COMMD10: variants seen among roughly 807,000 people sequenced by gnomAD.
The protein encoded by COMMD10 is COMM domain containing 10.
COMMD10 carries 33 observed loss-of-function variants against 28.9 expected under a neutral mutation model. The observed-to-expected ratio is 1.14, with a 90% confidence interval of 0.87 to 1.53. COMMD10 has a LOEUF of 1.53. Ranked by LOEUF, COMMD10 falls within the 40% of genes most tolerant of loss-of-function variation. The pLI is 0.00. For missense variants in COMMD10, 310 were observed against 233.4 expected (o/e 1.33, Z -2.14); for synonymous variants, 110 against 81.7 (o/e 1.35, Z -1.87).
At chr5:116,179,288 A>G (rs1171850671) in intron 5 of COMMD10, among the ~76,000 whole-genome samples, 1 of 152,188 alleles carries the variant, frequency 6.6e-6, no homozygotes, top group Non-Finnish European at 1.5e-5. Context: ...AACAGATTTT[A>G]GGAATAATCT....
chr5:116,127,813 T>C (rs1428887764), intron 4 of COMMD10, among the ~76,000 whole-genome samples: 1 of 152,012 alleles, frequency 6.6e-6, no homozygotes, highest in African/African-American at 2.4e-5. Flanking sequence ...CAGTAGGAGA[T>C]ATACCTAGTG....
chr5:116,089,187 A>G (rs1750217978), intron 2 of COMMD10, among the ~76,000 whole-genome samples: 1 of 152,164 alleles, frequency 6.6e-6, no homozygotes, highest in Non-Finnish European at 1.5e-5. Flanking sequence ...TTGTGTTACT[A>G]ACTCATCTAA....
intron 5 of COMMD10, among the ~76,000 whole-genome samples, chr5:116,225,353 G>GT (rs143964154): frequency 0.12 from 13,393 of 116,256 alleles, 1,298 homozygotes; most frequent in East Asian, 0.23. Context: ...TTTTTTTGGG[G>GT]ATTTTTTTTT....
At chr5:116,130,129 T>C (rs1751817057) in intron 4 of COMMD10, among the ~76,000 whole-genome samples, 1 of 151,984 alleles carries the variant, frequency 6.6e-6, no homozygotes, top group Non-Finnish European at 1.5e-5. Flanking sequence ...CATGACTCTT[T>C]TAAAAATTAC....
chr5:116,177,404 A>AG (rs982509227), intron 5 of COMMD10, among the ~76,000 whole-genome samples: 2 of 152,066 alleles, frequency 1.3e-5, no homozygotes, highest in Admixed American at 1.3e-4. Context: ...CTCCATCCTA[A>AG]GGGACTGCAT....
chr5:116,222,173 C>A (rs559740064), intron 5 of COMMD10, among the ~76,000 whole-genome samples: 41 of 152,296 alleles, frequency 2.7e-4, no homozygotes, highest in African/African-American at 9.6e-4. Context: ...TTCTTACTCT[C>A]TTCAGTGATA....
In COMMD10 at chr5:116,189,766, G is replaced by C. The variant is rs149420941; in HGVS notation, c.510+55588G>C. Among the ~76,000 whole-genome samples, 7 of 152,250 alleles carry C rather than the reference G, an allele frequency of 4.6e-5. No individual in the cohort carries two copies. In the East Asian group the frequency reaches 1.3e-3, roughly 29 times the overall value. On this transcript the variant is annotated intron_variant, in intron 5 of 6. Transcript: ENST00000274458. ...TAAGTCATGACATCAGAAGAAAACA[G>C]TAATGAAAATCTAATGAACAGTACT...
intron 5 of COMMD10, among the ~76,000 whole-genome samples, chr5:116,139,736 C>G (rs143060798): frequency 1.3e-5 from 2 of 151,708 alleles, no homozygotes; most frequent in East Asian, 1.9e-4. Flanking sequence ...AAATCATTCT[C>G]TCACATATTT....
At chr5:116,097,270 C>G (rs1238583930) in intron 4 of COMMD10, among the ~76,000 whole-genome samples, 1 of 151,868 alleles carries the variant, frequency 6.6e-6, no homozygotes, top group Non-Finnish European at 1.5e-5. Flanking sequence ...TGCTAATATA[C>G]TATTTTAAAG....
intron 5 of COMMD10, among the ~76,000 whole-genome samples, chr5:116,203,239 G>T (rs1290267669): frequency 6.6e-6 from 1 of 152,154 alleles, no homozygotes; most frequent in East Asian, 1.9e-4. Context: ...ATGGGACTAT[G>T]TGAAAAGACC....
In COMMD10 at chr5:116,127,634, G is replaced by A. The variant is rs191676956; in HGVS notation, c.400-6434G>A. Among the ~76,000 whole-genome samples, 263 of 152,250 alleles carry A rather than the reference G, an allele frequency of 1.7e-3. 1 individual carries two copies. The highest frequency in any genetic ancestry group is 6.0e-3 in the African/African-American group (248 of 41,546). ...AGTTCATGTCCTTTGTAGAGACATG[G>A]ATGAAGCTAGAAACCATCATTCTGA... On this transcript the variant is annotated intron_variant, in intron 4 of 6. Transcript: ENST00000274458.
At chr5:116,217,966 T>C in intron 5 of COMMD10, 1 of 799,276 alleles carries the variant, frequency 1.3e-6, no homozygotes, top group Non-Finnish European at 2.1e-6. Context: ...TTGGTAAAAA[T>C]AGTATTTCAA....
At chr5:116,132,659 A>G (rs1203962313) in intron 4 of COMMD10, among the ~76,000 whole-genome samples, 1 of 152,134 alleles carries the variant, frequency 6.6e-6, no homozygotes, top group Non-Finnish European at 1.5e-5. Flanking sequence ...TTAAGACGGC[A>G]TGTATGCCAG....
chr5:116,126,975 A>G lies in COMMD10; in HGVS notation c.400-7093A>G, dbSNP rs564702354. Among the ~76,000 whole-genome samples the G allele has an allele frequency of 2.5e-3, 378 of 152,346 alleles. 3 individuals are homozygous for G. Among genetic ancestry groups the G allele is most frequent in the Non-Finnish European group, 3.2e-3 (217 of 68,038 alleles). On this transcript the variant is annotated intron_variant, in intron 4 of 6. Transcript: ENST00000274458. ...CTGCACAGCAAAAGAAACTACCATC[A>G]GAGTGAACAGGCAACCTACAGAATA...
intron 5 of COMMD10, among the ~76,000 whole-genome samples, chr5:116,282,279 T>C (rs1314192455): frequency 6.6e-6 from 1 of 151,908 alleles, no homozygotes. Context: ...TACCTCAGAA[T>C]TTTTCACTTT....
At chr5:116,120,960 T>A (rs1340302929) in intron 4 of COMMD10, among the ~76,000 whole-genome samples, 1 of 152,118 alleles carries the variant, frequency 6.6e-6, no homozygotes, top group Non-Finnish European at 1.5e-5. Context: ...TGTATATGTA[T>A]ATGTTTTTGT....
At chr5:116,130,998 A>G (rs762987463) in intron 4 of COMMD10, among the ~76,000 whole-genome samples, 2 of 152,028 alleles carry the variant, frequency 1.3e-5, no homozygotes, top group African/African-American at 2.4e-5. Flanking sequence ...AATATCAACA[A>G]AGAAGGCTAA....
chr5:116,216,291 G>A (rs572435688), intron 5 of COMMD10, among the ~76,000 whole-genome samples: 2 of 152,278 alleles, frequency 1.3e-5, no homozygotes, highest in South Asian at 4.1e-4. Flanking sequence ...GTTTTTAAAT[G>A]TATGTTAACA....
At chr5:116,248,056 T>G (rs1750005778) in intron 5 of COMMD10, among the ~76,000 whole-genome samples, 1 of 151,574 alleles carries the variant, frequency 6.6e-6, no homozygotes, top group African/African-American at 2.4e-5. Context: ...TTTCAAGACC[T>G]AAGCAAACAA....
Sources: allele counts gnomAD v4.1 joint callset (sites outside exome capture counted in the v4.1 genomes callset), GRCh38; gene constraint gnomAD v4.1.1; transcripts MANE v1.5; gene names NCBI Gene and HGNC (gene_info 2026-07-23, HGNC 2026-07-21).